Variants in SENP6 observed in about 807,000 individuals in gnomAD.
The protein encoded by SENP6 is sentrin-specific protease 6.
In SENP6, 41 loss-of-function variants were observed where a neutral mutation model predicts 134.5. The ratio of observed to expected loss-of-function variants is 0.30; its 90% CI spans 0.24 to 0.40. The LOEUF (loss-of-function observed/expected upper bound fraction) is 0.40. Ranked by LOEUF, SENP6 falls within the 10% of genes least tolerant of loss-of-function variation. SENP6 has a pLI of 1.00. For missense variants in SENP6, 1,248 were observed against 1,312.5 expected, an observed-to-expected ratio of 0.95 and a Z score of 0.76; for synonymous variants, 395 against 429.8, an observed-to-expected ratio of 0.92 and a Z score of 1.00.
chr6:75,638,847 C>T (rs557585367), intron 5 of SENP6, among the ~76,000 whole-genome samples: 5 of 151,386 alleles, frequency 3.3e-5, no homozygotes, highest in African/African-American at 1.2e-4. Flanking sequence ...AGCCTGAGCC[C>T]AGGAGTTCGA....
chr6:75,612,729 A>G (rs1489462598), intron 1 of SENP6, among the ~76,000 whole-genome samples: 1 of 152,228 alleles, frequency 6.6e-6, no homozygotes, highest in Admixed American at 6.5e-5. Flanking sequence ...TTTGGAGATC[A>G]GTTTGGCAAT....
chr6:75,681,534 C>T (rs762102736), intron 16 of SENP6, among the ~76,000 whole-genome samples: 1 of 151,842 alleles, frequency 6.6e-6, no homozygotes, highest in Non-Finnish European at 1.5e-5. Flanking sequence ...TCTTGGCCCA[C>T]GGCAGCCTTT....
intron 4 of SENP6, among the ~76,000 whole-genome samples, chr6:75,634,216 A>G (rs1274052026): frequency 6.6e-6 from 1 of 152,278 alleles, no homozygotes; most frequent in Middle Eastern, 3.4e-3. Context: ...ACATAGACAA[A>G]TGAAGTACAT....
At chr6:75,654,547 A>G (rs1771164548) in intron 7 of SENP6, among the ~76,000 whole-genome samples, 2 of 152,246 alleles carry the variant, frequency 1.3e-5, no homozygotes, top group Non-Finnish European at 2.9e-5. Context: ...TGTGATAGAT[A>G]CATGACTTTA....
rs761360534 is a variant in SENP6 at position 75,614,062 on chromosome 6, C to G, written c.53-7470C>G. Among the ~76,000 whole-genome samples, 47 of 152,196 alleles carry G rather than the reference C, an allele frequency of 3.1e-4. 1 individual carries two copies. Among genetic ancestry groups the G allele is most frequent in the South Asian group, 6.2e-4 (3 of 4,822 alleles). On this transcript the variant is annotated intron_variant, in intron 1 of 23. Coordinates refer to ENST00000447266, the MANE Select transcript of SENP6 (RefSeq NM_015571.4). Reference sequence around the variant, plus strand: ...TAGTTTAATCCCAATTTGCGTTTATCTGATGTTTCCTTATGATTCAAGTCA... The same window carrying G: ...TAGTTTAATCCCAATTTGCGTTTATGTGATGTTTCCTTATGATTCAAGTCA...
At chr6:75,695,511 C>A (rs985130964) in intron 16 of SENP6, among the ~76,000 whole-genome samples, 1 of 152,010 alleles carries the variant, frequency 6.6e-6, no homozygotes, top group Non-Finnish European at 1.5e-5. Context: ...CTGAGGCGGG[C>A]GGATTACTTG....
intron 4 of SENP6, among the ~76,000 whole-genome samples, chr6:75,634,245 A>C (rs1365938402): frequency 6.6e-6 from 1 of 152,138 alleles, no homozygotes; most frequent in East Asian, 1.9e-4. Context: ...AGTAACTTTC[A>C]AGTCAGTGGC....
At position 75,623,969 on chromosome 6, in the gene SENP6, T is replaced by G; in HGVS notation, c.207+9T>G. 1 of 1,597,834 alleles carries G rather than the reference T, an allele frequency of 6.3e-7. No homozygotes were observed. Among genetic ancestry groups the G allele is most frequent in the Non-Finnish European group, 8.5e-7 (1 of 1,169,860 alleles). On this transcript the variant is annotated intron_variant, in intron 3 of 23. Transcript: ENST00000447266. ...CCTCAAAAGGAAAAAAGGCAAGTGTTGCTTAAAATATTTTCTTCTTTTACA... is the reference window on the plus strand; with the variant it reads ...CCTCAAAAGGAAAAAAGGCAAGTGTGGCTTAAAATATTTTCTTCTTTTACA...
intron 1 of SENP6, 91 bp from the exon 2 acceptor site, chr6:75,621,441 G>A: frequency 1.3e-6 from 1 of 778,062 alleles, no homozygotes; most frequent in Non-Finnish European, 2.1e-6. Flanking sequence ...ACAAAATCTA[G>A]AATAATCAAA....
intron 19 of SENP6, among the ~76,000 whole-genome samples, chr6:75,708,146 G>C (rs1230385117): frequency 2.0e-5 from 3 of 152,122 alleles, no homozygotes; most frequent in African/African-American, 7.2e-5. Flanking sequence ...TGCAACCTCT[G>C]TTGCCTGGGT....
At chr6:75,663,571 A>T in intron 9 of SENP6, 53 bp downstream of exon 9, 1 of 1,400,096 alleles carries the variant, frequency 7.1e-7, no homozygotes, top group Non-Finnish European at 9.7e-7. Flanking sequence ...TATTTTTCAG[A>T]TATATTTTTA....
intron 5 of SENP6, among the ~76,000 whole-genome samples, chr6:75,639,992 T>A (rs562409356): frequency 6.6e-6 from 1 of 152,344 alleles, no homozygotes; most frequent in South Asian, 2.1e-4. Flanking sequence ...AACCATTCCC[T>A]TATTAGTAGA....
chr6:75,673,946 G>A (rs547083023), intron 11 of SENP6, among the ~76,000 whole-genome samples: 7 of 151,890 alleles, frequency 4.6e-5, no homozygotes, highest in South Asian at 4.2e-4. Flanking sequence ...ACTTGAACCC[G>A]GGAGGTGGAG....
chr6:75,706,330 C>G (rs187171895), intron 19 of SENP6, among the ~76,000 whole-genome samples: 1 of 152,200 alleles, frequency 6.6e-6, no homozygotes, highest in East Asian at 1.9e-4. Flanking sequence ...CTTTAAATGG[C>G]TGTATATGGT....
At chr6:75,674,311 C>CTA (rs1411249700) in intron 11 of SENP6, among the ~76,000 whole-genome samples, 2 of 151,894 alleles carry the variant, frequency 1.3e-5, no homozygotes, top group East Asian at 3.9e-4. Context: ...TACATGCCAT[C>CTA]TATACCTAGG....
At chr6:75,679,934 C>A (rs1773349321) in intron 16 of SENP6, 1 of 152,072 alleles carries the variant, frequency 6.6e-6, no homozygotes, top group South Asian at 2.1e-4. Flanking sequence ...TGGGAAAACA[C>A]ATTGTTATAA....
chr6:75,668,119 A>G (rs1233348940), intron 10 of SENP6, among the ~76,000 whole-genome samples: 2 of 152,194 alleles, frequency 1.3e-5, no homozygotes, highest in East Asian at 3.8e-4. Flanking sequence ...CATAAGGATA[A>G]TAGAAAAATA....
chr6:75,676,813 T>G, intron 13 of SENP6: 1 of 438,138 alleles, frequency 2.3e-6, no homozygotes. Context: ...GAGTAATGTA[T>G]TCTGGTTCCT....
chr6:75,702,210 A>C (rs1464032906), intron 18 of SENP6, among the ~76,000 whole-genome samples: 1 of 148,434 alleles, frequency 6.7e-6, no homozygotes, highest in Non-Finnish European at 1.5e-5. Context: ...AACTAAAAAA[A>C]AAATAGGCTT....
Sources: allele counts gnomAD v4.1 joint callset (sites outside exome capture counted in the v4.1 genomes callset), GRCh38; gene constraint gnomAD v4.1.1; transcripts MANE v1.5; gene names NCBI Gene and HGNC (gene_info 2026-07-23, HGNC 2026-07-21).